AR: variants seen among roughly 807,000 people sequenced by gnomAD.
AR encodes the protein androgen receptor.
AR carries 8 observed loss-of-function variants against 53.9 expected under a neutral mutation model. That is an observed-to-expected ratio of 0.15 (90% CI 0.09 to 0.27). AR has a LOEUF of 0.27. AR is among the 10% of genes least tolerant of loss of function. AR has a pLI of 1.00. For missense variants in AR, 639 were observed against 742.5 expected (o/e 0.86, Z 1.62); for synonymous variants, 359 against 316.4 (o/e 1.13, Z -1.43).
chrX:67,630,552 T>C (rs1181691399), intron 1 of AR, among the ~76,000 whole-genome samples: 1 of 111,307 alleles, frequency 9.0e-6, no homozygotes. Flanking sequence ...TGAGATGGGT[T>C]TCCTGAATAC....
intron 1 of AR, among the ~76,000 whole-genome samples, chrX:67,631,173 C>T (rs956409786): frequency 2.7e-5 from 3 of 111,158 alleles, no homozygotes; most frequent in Non-Finnish European, 5.7e-5. Flanking sequence ...TTTCCTGAAT[C>T]TGAATGTTGG....
At position 67,650,567 on chromosome X, in the gene AR, A is replaced by G. The variant is rs187595488; in HGVS notation, c.1768+7160A>G. On this transcript the variant is annotated intron_variant, in intron 2 of 7. Transcript: ENST00000374690. ...CCTCAAAATAACTGAATTCTGCGAG[A>G]AGCCATCATTGTAAAACAACAATAT... 4.4e-3 allele frequency among the ~76,000 whole-genome samples: 497 copies of G among 112,494 alleles called. 3 individuals carry two copies. The highest frequency in any genetic ancestry group is 6.1e-3 in the Non-Finnish European group (325 of 53,310).
At chrX:67,559,007 T>C in intron 1 of AR, among the ~76,000 whole-genome samples, 1 of 112,254 alleles carries the variant, frequency 8.9e-6, no homozygotes, top group Non-Finnish European at 1.9e-5. Flanking sequence ...TATGTTATTT[T>C]CCACTATATT....
intron 2 of AR, among the ~76,000 whole-genome samples, chrX:67,659,751 T>A (rs1225331542): frequency 9.0e-6 from 1 of 111,543 alleles, no homozygotes; most frequent in East Asian, 2.8e-4. Flanking sequence ...GATGGCTGGG[T>A]CAAATGGTAT....
At chrX:67,592,864 G>A (rs1922901973) in intron 1 of AR, among the ~76,000 whole-genome samples, 1 of 110,833 alleles carries the variant, frequency 9.0e-6, no homozygotes, top group African/African-American at 3.3e-5. Flanking sequence ...TTCTTGTTTT[G>A]ATAGTATAGC....
At chrX:67,552,987 CT>C (rs1402253493) in intron 1 of AR, among the ~76,000 whole-genome samples, 1 of 111,290 alleles carries the variant, frequency 9.0e-6, no homozygotes, top group African/African-American at 3.3e-5. Context: ...TGTGAGTTGT[CT>C]TTTTTACTTT....
chrX:67,590,875 C>G (rs890400410), intron 1 of AR, among the ~76,000 whole-genome samples: 3 of 112,059 alleles, frequency 2.7e-5, no homozygotes, highest in African/African-American at 9.7e-5. Context: ...GACCATTGTT[C>G]AAATAAAGAG....
intron 2 of AR, among the ~76,000 whole-genome samples, chrX:67,683,996 C>A (rs1436818203): frequency 8.9e-6 from 1 of 111,820 alleles, no homozygotes; most frequent in Non-Finnish European, 1.9e-5. Flanking sequence ...GCAACCATTT[C>A]TTGACAAACT....
chrX:67,645,299 A>T (rs1382691042), intron 2 of AR, among the ~76,000 whole-genome samples: 1 of 111,722 alleles, frequency 9.0e-6, no homozygotes, highest in Non-Finnish European at 1.9e-5. Flanking sequence ...GAAAGGGAAG[A>T]TTTTGCTGTC....
intron 1 of AR, among the ~76,000 whole-genome samples, chrX:67,618,018 G>A (rs1450083519): frequency 1.8e-5 from 2 of 112,241 alleles, no homozygotes; most frequent in African/African-American, 3.2e-5. Flanking sequence ...TCTAACGACA[G>A]TTCCACCAGC....
At chrX:67,559,319 G>C (rs1921197875) in intron 1 of AR, among the ~76,000 whole-genome samples, 1 of 111,831 alleles carries the variant, frequency 8.9e-6, no homozygotes, top group Non-Finnish European at 1.9e-5. Context: ...TTAATTACCT[G>C]TCTCCATCAA....
At chrX:67,703,268 T>G (rs994683632) in intron 3 of AR, among the ~76,000 whole-genome samples, 6 of 111,866 alleles carry the variant, frequency 5.4e-5, no homozygotes, top group Non-Finnish European at 1.1e-4. Context: ...ATGGTCTTTC[T>G]CAGTGCAACT....
At chrX:67,620,668 A>G (rs926254405) in intron 1 of AR, among the ~76,000 whole-genome samples, 1 of 111,609 alleles carries the variant, frequency 9.0e-6, no homozygotes, top group African/African-American at 3.3e-5. Context: ...TCTCTGCCCC[A>G]AAGCCTTTGC....
intron 3 of AR, among the ~76,000 whole-genome samples, chrX:67,703,665 C>A (rs747802812): frequency 1.8e-5 from 2 of 111,821 alleles, no homozygotes; most frequent in African/African-American, 3.3e-5. Context: ...TTTTATTATA[C>A]TTTAAGTTCT....
intron 2 of AR, among the ~76,000 whole-genome samples, chrX:67,678,608 C>T (rs1204466602): frequency 9.0e-6 from 1 of 111,712 alleles, no homozygotes; most frequent in African/African-American, 3.3e-5. Flanking sequence ...AGAGAGGTTT[C>T]TTGTACAGAT....
intron 1 of AR, among the ~76,000 whole-genome samples, chrX:67,575,750 G>T (rs920502514): frequency 9.0e-6 from 1 of 111,561 alleles, no homozygotes; most frequent in Non-Finnish European, 1.9e-5. Context: ...CAACAGTTTA[G>T]CTTGCTAGTA....
chrX:67,695,807 ACT>A (rs758632822), intron 3 of AR: 648 of 638,228 alleles, frequency 1.0e-3, no homozygotes, highest in South Asian at 1.2e-3. Flanking sequence ...ACACACACAC[ACT>A]CTCTCTCTCT....
chrX:67,699,895 C>T (rs990908671), intron 3 of AR, among the ~76,000 whole-genome samples: 31 of 110,884 alleles, frequency 2.8e-4, no homozygotes, highest in Admixed American at 1.5e-3. Context: ...TGGAACAGTA[C>T]CTAAAGGTTA....
chrX:67,679,631 T>G (rs1336561028), intron 2 of AR, among the ~76,000 whole-genome samples: 1 of 111,917 alleles, frequency 8.9e-6, no homozygotes, highest in Non-Finnish European at 1.9e-5. Flanking sequence ...CACGTAGTAT[T>G]TAATCTGTAC....
Sources: gnomAD v4.1 joint callset for allele counts (sites outside exome capture counted in the v4.1 genomes callset) on GRCh38, gnomAD v4.1.1 for gene constraint, MANE v1.5 for transcripts, NCBI Gene and HGNC (gene_info 2026-07-23, HGNC 2026-07-21) for gene names.